Variants in ITGB3BP observed in about 807,000 individuals in gnomAD.
ITGB3BP encodes the protein integrin subunit beta 3 binding protein, also known as centromere protein R.
In ITGB3BP, 27 loss-of-function variants were observed where a neutral mutation model predicts 29.1. That is an observed-to-expected ratio of 0.93 (90% confidence interval 0.68 to 1.28). The LOEUF is 1.28. Ranked by LOEUF, ITGB3BP falls within the 50% of genes most tolerant of loss-of-function variation. The pLI is 0.00. For missense variants in ITGB3BP, 192 were observed against 200.2 expected (o/e 0.96, Z 0.25); for synonymous variants, 61 against 61.4 (o/e 0.99, Z 0.03).
intron 4 of ITGB3BP, among the ~76,000 whole-genome samples, chr1:63,459,951 A>G (rs935147100): frequency 6.6e-6 from 1 of 152,072 alleles, no homozygotes; most frequent in South Asian, 2.1e-4. Flanking sequence ...TTAATTAAAA[A>G]CATTTTTCCT....
rs150490548 is a variant in ITGB3BP at position 63,477,705 on chromosome 1, G to A, written c.254+1059C>T. ...ATTGTGCTCCAGGCTGGGCAACAGA[G>A]TGAGACAATCAGGGAAAAAAAAAAA... On this transcript the variant is annotated intron_variant, in intron 4 of 8. Transcript: ENST00000271002. 2.5e-3 allele frequency among the ~76,000 whole-genome samples: 371 copies of A among 149,886 alleles called. 2 individuals carry two copies. The highest frequency in any genetic ancestry group is 8.8e-3 in the African/African-American group (354 of 40,392).
upstream of ITGB3BP, among the ~76,000 whole-genome samples, chr1:63,524,914 T>A (rs756583191): frequency 6.6e-6 from 1 of 152,152 alleles, no homozygotes; most frequent in Non-Finnish European, 1.5e-5. Context: ...TTGTTATTAA[T>A]AAAGGAACAC....
intron 4 of ITGB3BP, among the ~76,000 whole-genome samples, chr1:63,469,985 C>T (rs530157512): frequency 1.3e-3 from 194 of 152,360 alleles, no homozygotes; most frequent in South Asian, 8.7e-3. Flanking sequence ...ATTCTTAAGC[C>T]ACAAACAATA....
chr1:63,515,332 A>G (rs1319262914), intron 1 of ITGB3BP, among the ~76,000 whole-genome samples: 2 of 151,814 alleles, frequency 1.3e-5, no homozygotes, highest in East Asian at 3.9e-4. Context: ...ATTCTATTCT[A>G]TTTACCTATT....
intron 4 of ITGB3BP, among the ~76,000 whole-genome samples, chr1:63,476,640 G>C (rs1645345859): frequency 6.6e-6 from 1 of 152,272 alleles, no homozygotes; most frequent in African/African-American, 2.4e-5. Flanking sequence ...GAAGAAAGAA[G>C]GAAAGACACT....
rs545012743 is a variant in ITGB3BP at position 63,522,430 on chromosome 1, C to G, written c.5+699G>C. 7.2e-5 allele frequency among the ~76,000 whole-genome samples: 11 copies of G among 152,240 alleles called. No homozygotes were observed. The East Asian group carries it at 2.1e-3, about 29-fold the overall frequency. On this transcript the variant is annotated intron_variant, in intron 1 of 8. Coordinates refer to ENST00000271002, the MANE Select transcript of ITGB3BP (RefSeq NM_014288.5). ...AGGAGAAATTACAGGTGTTTGATAT[C>G]CACCCCACTCCCCCAACCTTTAATG...
chr1:63,515,126 T>C (rs531660095), intron 1 of ITGB3BP, among the ~76,000 whole-genome samples: 90 of 152,302 alleles, frequency 5.9e-4, no homozygotes, highest in African/African-American at 2.1e-3. Flanking sequence ...CTCAAATATT[T>C]CCCTCCAGAA....
In ITGB3BP at chr1:63,469,920, C is replaced by T. The variant is rs144593663; in HGVS notation, c.254+8844G>A. Among the ~76,000 whole-genome samples the T allele has an allele frequency of 5.1e-4, 77 of 152,270 alleles. 1 individual carries two copies. The East Asian group carries it at 9.1e-3, about 18-fold the overall frequency. ...CCACGCTGTAAGGTTGTGGGTTTACCGGAATGAGGGCAAGGAACACCTGGC... is the reference window on the plus strand; with the variant it reads ...CCACGCTGTAAGGTTGTGGGTTTACTGGAATGAGGGCAAGGAACACCTGGC... On this transcript the variant is annotated intron_variant, in intron 4 of 8. Transcript: ENST00000271002.
intron 8 of ITGB3BP, among the ~76,000 whole-genome samples, chr1:63,445,241 G>A (rs1050519563): frequency 8.6e-5 from 13 of 152,022 alleles, no homozygotes; most frequent in African/African-American, 2.7e-4. Context: ...AGCCGAGATC[G>A]TGCCACTGCA....
chr1:63,525,589 G>A (rs1162846296), upstream of ITGB3BP: 2 of 1,566,582 alleles, frequency 1.3e-6, no homozygotes, highest in Admixed American at 2.3e-5. Context: ...ATCAGTCCAC[G>A]AAGCGATGCA....
intron 1 of ITGB3BP, among the ~76,000 whole-genome samples, chr1:63,513,708 A>G (rs1283205795): frequency 3.3e-5 from 5 of 152,198 alleles, no homozygotes; most frequent in Non-Finnish European, 7.3e-5. Flanking sequence ...GACATCTCCA[A>G]TGCCAAGTCA....
At chr1:63,460,589 T>A (rs1310864830) in intron 4 of ITGB3BP, among the ~76,000 whole-genome samples, 1 of 152,192 alleles carries the variant, frequency 6.6e-6, no homozygotes, top group African/African-American at 2.4e-5. Flanking sequence ...TTATTGTGAA[T>A]AATGATGGAA....
intron 7 of ITGB3BP, 70 bp from the exon 8 acceptor site, chr1:63,446,926 A>T: frequency 1.8e-6 from 2 of 1,115,356 alleles, no homozygotes; most frequent in Non-Finnish European, 2.7e-6. Context: ...TATATGATGC[A>T]GAATAAATGT....
Position 63,478,752 on chromosome 1 carries a change from T to A in ITGB3BP, c.254+12A>T. 1 of 1,324,614 alleles carries A rather than the reference T, an allele frequency of 7.5e-7. No homozygotes were observed. The highest frequency in any genetic ancestry group is 1.0e-6 in the Non-Finnish European group (1 of 956,182). 82.1% of individuals were successfully genotyped at this position (1,324,614 alleles called of 1,614,324 possible). A position where few individuals can be genotyped will look rare whatever the true frequency, so the allele number is the denominator to read the frequency against. Reference sequence around the variant, plus strand: ...AGATACACATATATAATTTCAAAAATAACAAACTTACTCATCATTGTCTTT... The same window carrying A: ...AGATACACATATATAATTTCAAAAAAAACAAACTTACTCATCATTGTCTTT... On this transcript the variant is annotated intron_variant, in intron 4 of 8. Coordinates refer to ENST00000271002, the MANE Select transcript of ITGB3BP (RefSeq NM_014288.5).
intron 4 of ITGB3BP, among the ~76,000 whole-genome samples, chr1:63,470,299 C>T (rs771119142): frequency 6.6e-5 from 10 of 152,096 alleles, no homozygotes; most frequent in Admixed American, 1.3e-4. Context: ...GAGCTGGTCT[C>T]GGCACAAGAC....
At chr1:63,512,730 T>G (rs998808134) in intron 1 of ITGB3BP, among the ~76,000 whole-genome samples, 2 of 152,114 alleles carry the variant, frequency 1.3e-5, no homozygotes, top group African/African-American at 4.8e-5. Context: ...AAAATATCAC[T>G]GAGTATTTCA....
Position 63,454,107 on chromosome 1 carries a change from A to G in ITGB3BP, c.428-133T>C. 1.9e-6 allele frequency: 1 copy of G among 513,990 alleles called. No homozygotes were observed. The highest frequency in any genetic ancestry group is 3.2e-5 in the East Asian group (1 of 31,724). 31.8% of individuals were successfully genotyped at this position (513,990 alleles called of 1,614,324 possible). ...TATTTATAAGTACCAAATATAAAAT[A>G]TAATACCTTATTATATATTATAAAA... On this transcript the variant is annotated intron_variant, in intron 6 of 8. Coordinates refer to ENST00000271002, the MANE Select transcript of ITGB3BP (RefSeq NM_014288.5). This position sits in a 1 kb window ranked among gnomAD's most constrained non-coding sequence, Gnocchi z 4.1.
chr1:63,528,428 A>G (rs1234769725), intron 2 of ITGB3BP, among the ~76,000 whole-genome samples: 4 of 152,154 alleles, frequency 2.6e-5, no homozygotes, highest in African/African-American at 9.7e-5. Context: ...TGGTTACCAG[A>G]GGCTGAGAAA....
chr1:63,448,069 T>G (rs1644810438), intron 7 of ITGB3BP, among the ~76,000 whole-genome samples: 1 of 150,544 alleles, frequency 6.6e-6, no homozygotes, highest in African/African-American at 2.4e-5. Flanking sequence ...CTCAGTAAAC[T>G]ATTGCAAGGA....
Sources: gnomAD v4.1 joint callset for allele counts (sites outside exome capture counted in the v4.1 genomes callset) on GRCh38, gnomAD v4.1.1 for gene constraint, Gnocchi (gnomAD v3.1) non-coding constraint, MANE v1.5 for transcripts, NCBI Gene and HGNC (gene_info 2026-07-23, HGNC 2026-07-21) for gene names.